Variants in FOXR1 observed in about 807,000 individuals in gnomAD.
FOXR1 encodes the protein forkhead box protein R1.
FOXR1 carries 25 observed loss-of-function variants against 34.5 expected under a neutral mutation model. The ratio of observed to expected loss-of-function variants is 0.72; its 90% CI spans 0.53 to 1.01. The LOEUF (loss-of-function observed/expected upper bound fraction) is 1.01, where lower values mean the gene tolerates loss of function less well. Among genes scored for constraint, FOXR1 ranks in the 50% least tolerant of loss-of-function variants. FOXR1 has a pLI of 0.00. For synonymous variants in FOXR1, 153 were observed against 141.6 expected (o/e 1.08, Z -0.57); for missense variants, 373 against 376.2 (o/e 0.99, Z 0.07).
Position 118,978,873 on chromosome 11 carries a change from C to G in FOXR1, c.136+17C>G. The G allele has an allele frequency of 6.2e-7, 1 of 1,614,238 alleles. No individual in the cohort carries two copies. The highest frequency in any genetic ancestry group is 8.5e-7 in the Non-Finnish European group (1 of 1,180,030). On this transcript the variant is annotated intron_variant, in intron 2 of 5. Transcript: ENST00000317011. ...ATAAGGATGGTACGTATTGAGTTCT[C>G]TGACCTGTTTCTGTGGCCTGGGCTG...
At position 118,980,426 on chromosome 11, in the gene FOXR1, G is replaced by A; in HGVS notation, c.612-64G>A. ...AGCCCCTGGCCCCTGGGTAGAACAT[G>A]CCCCAGAGAAGGGCATTCCCCAGAC... On this transcript the variant is annotated intron_variant, in intron 4 of 5. Coordinates refer to ENST00000317011, the MANE Select transcript of FOXR1 (RefSeq NM_181721.3). 3 of 1,564,362 alleles carry A rather than the reference G, an allele frequency of 1.9e-6. No individual in the cohort carries two copies. The Admixed American group carries it at 5.0e-5, about 26-fold the overall frequency.
chr11:118,980,727 A>T lies in FOXR1; in HGVS notation c.849A>T (p.Pro283=). The change falls in exon 5 of 6, where the codon CCA becomes CCT. Residue 283 remains proline, a splice_region_variant and synonymous_variant. Transcript: ENST00000317011. ...GTATCCAACAGTGCATGAGCCAGCC[A>T]GGTGTGAAGACTTGTTGTGCGTGGG... ...LESIQQCMSQ[P]DVMPFLFDL 6.2e-7 allele frequency: 1 copy of T among 1,610,568 alleles called. No homozygotes were observed. The highest frequency in any genetic ancestry group is 1.1e-5 in the South Asian group (1 of 91,006).
intron 1 of FOXR1, among the ~76,000 whole-genome samples, chr11:118,975,144 C>T (rs1186159353): frequency 2.6e-5 from 4 of 152,028 alleles, no homozygotes; most frequent in Non-Finnish European, 5.9e-5. Flanking sequence ...AGAGAGATAA[C>T]TAGCAAAAAA....
intron 1 of FOXR1, 145 bp downstream of exon 1, chr11:118,972,137 C>CG (rs1941715694): frequency 1.9e-5 from 10 of 533,222 alleles, no homozygotes; most frequent in South Asian, 1.4e-4. Context: ...GCGCCCCCCC[C>CG]CCCCGACGGC....
chr11:118,980,355 C>A, intron 4 of FOXR1, 135 bp from the exon 5 acceptor site: 1 of 1,006,398 alleles, frequency 9.9e-7, no homozygotes, highest in Non-Finnish European at 1.6e-6. Context: ...TAGCAAAGAG[C>A]AACTCCAGGC....
chr11:118,972,342 T>C (rs1458374915), intron 1 of FOXR1, among the ~76,000 whole-genome samples: 2 of 152,020 alleles, frequency 1.3e-5, no homozygotes, highest in Non-Finnish European at 2.9e-5. Flanking sequence ...GGTCTTCTCC[T>C]TGGCGCTGGT....
intron 4 of FOXR1, 130 bp from the exon 5 acceptor site, chr11:118,980,360 C>G (rs1269321784): frequency 1.9e-6 from 2 of 1,077,216 alleles, no homozygotes; most frequent in African/African-American, 3.1e-5. Context: ...AAGAGCAACT[C>G]CAGGCCAACT....
intron 1 of FOXR1, among the ~76,000 whole-genome samples, chr11:118,973,575 T>C (rs1239720267): frequency 6.6e-6 from 1 of 151,994 alleles, no homozygotes; most frequent in East Asian, 1.9e-4. Context: ...AATTTTTGTA[T>C]TTTTAGTAAA....
At position 118,979,642 on chromosome 11, in the gene FOXR1, C is replaced by T. The variant is rs572956755; in HGVS notation, c.585C>T (p.Asn195=). 6 of 1,608,292 alleles carry T rather than the reference C, an allele frequency of 3.7e-6. No homozygotes were observed. The highest frequency in any genetic ancestry group is 5.1e-6 in the Non-Finnish European group (6 of 1,177,214). The part of the protein sequence containing the change: ...ALRNSSPCGL[N]VQQIYSFTRK... Reference sequence around the variant, plus strand: ...GAAACAGTTCCCCCTGTGGCCTCAACGTGCAACAGATCTACAGTTTCACTC... The same window carrying T: ...GAAACAGTTCCCCCTGTGGCCTCAATGTGCAACAGATCTACAGTTTCACTC... Residue 195 remains asparagine (N), a synonymous_variant, in exon 4 of 6, where the codon AAC becomes AAT. Coordinates refer to ENST00000317011, the MANE Select transcript of FOXR1 (RefSeq NM_181721.3).
At position 118,980,595 on chromosome 11, in the gene FOXR1, G is replaced by A; in HGVS notation, c.717G>A (p.Gln239=). ...DSFEKVPVSM[Q]GGASTRPRSC... is the part of the protein sequence containing the mutation. ...TTGAGAAAGTGCCTGTCAGCATGCAGGGCGGGGCCAGCACACGGCCTCGAT... is the reference window on the plus strand; with the variant it reads ...TTGAGAAAGTGCCTGTCAGCATGCAAGGCGGGGCCAGCACACGGCCTCGAT... Residue 239 remains glutamine (Q), a synonymous_variant, in exon 5 of 6, where the codon CAG becomes CAA. Coordinates refer to ENST00000317011, the MANE Select transcript of FOXR1 (RefSeq NM_181721.3). The A allele has an allele frequency of 3.1e-6, 5 of 1,614,260 alleles. No individual in the cohort carries two copies. In the African/African-American group the frequency reaches 5.3e-5, roughly 17 times the overall value.
chr11:118,980,414 TG>T, intron 4 of FOXR1, 75 bp from the exon 5 acceptor site: 1 of 1,533,418 alleles, frequency 6.5e-7, no homozygotes, highest in South Asian at 1.1e-5. Flanking sequence ...CCCTGGCCCC[TG>T]GGTAGAACAT....
Position 118,980,660 on chromosome 11 carries a change from T to A in FOXR1, c.782T>A (p.Phe261Tyr). ...TTGACCGAGGAGGGACACCGCCGCT[T>A]TGCGGAGGAGGCCCGCGCCTTGGCT... ...WKLTEEGHRR[F>Y]AEEARALAST... Residue 261 changes from phenylalanine (F) to tyrosine (Y), a missense_variant, in exon 5 of 6, where the codon TTT becomes TAT. Physicochemically the swap from Phe to Tyr is conservative, Grantham distance 22. Transcript: ENST00000317011. 1.2e-6 allele frequency: 2 copies of A among 1,613,924 alleles called. No individual in the cohort carries two copies. Among genetic ancestry groups the A allele is most frequent in the Non-Finnish European group, 1.7e-6 (2 of 1,180,028 alleles).
chr11:118,978,601 A>G (rs1475005978), intron 1 of FOXR1, among the ~76,000 whole-genome samples, 181 bp from the exon 2 acceptor site: 2 of 152,184 alleles, frequency 1.3e-5, no homozygotes, highest in African/African-American at 2.4e-5. Flanking sequence ...GAAGAAAAGA[A>G]TGCAGAGGGG....
rs868783534 is a variant in FOXR1 at position 118,971,828 on chromosome 11, G to A, written c.-104G>A. ...CGCTCCCACTCCGCGTCCCCACTCC[G>A]CGCCGCCGCGCCTCTGCCAGCCCCG... is the stretch of plus-strand genomic sequence containing the variant. On this transcript the variant is annotated 5_prime_UTR_variant, in exon 1 of 6. Transcript: ENST00000317011. 3.8e-6 allele frequency: 5 copies of A among 1,303,918 alleles called. No individual in the cohort carries two copies. Among genetic ancestry groups the A allele is most frequent in the Middle Eastern group, 3.6e-4 (2 of 5,572 alleles). 80.8% of individuals were successfully genotyped at this position (1,303,918 alleles called of 1,614,324 possible). A position where few individuals can be genotyped will look rare whatever the true frequency, so the allele number is the denominator to read the frequency against.
At position 118,979,011 on chromosome 11, in the gene FOXR1, C is replaced by T. The variant is rs782103158; in HGVS notation, c.191C>T (p.Pro64Leu). 19 of 1,602,040 alleles carry T rather than the reference C, an allele frequency of 1.2e-5. No individual in the cohort carries two copies. Among genetic ancestry groups the T allele is most frequent in the Non-Finnish European group, 1.5e-5 (18 of 1,173,304 alleles). Reference protein sequence around the residue: ...WMWVNPNIVYPPGKLEVSGRR... With the variant: ...WMWVNPNIVYLPGKLEVSGRR... ...TGGGTAAATCCCAACATTGTGTATCCCCCTGGAAAGCTGGAGGTCTCAGGA... is the reference window on the plus strand; with the variant it reads ...TGGGTAAATCCCAACATTGTGTATCTCCCTGGAAAGCTGGAGGTCTCAGGA... The change falls in exon 3 of 6, where the codon CCC (proline) becomes CTC (leucine). Residue 64 changes from proline to leucine, a missense_variant. Pro to Leu is a moderately conservative substitution (Grantham distance 98). Transcript: ENST00000317011.
chr11:118,972,055 G>A (rs1941711503), intron 1 of FOXR1, 63 bp downstream of exon 1: 7 of 1,328,762 alleles, frequency 5.3e-6, no homozygotes, highest in Non-Finnish European at 3.9e-6. Flanking sequence ...AGGGGCTCGC[G>A]GGACCCCGGG....
At chr11:118,975,646 A>T (rs1179222045) in intron 1 of FOXR1, among the ~76,000 whole-genome samples, 1 of 152,178 alleles carries the variant, frequency 6.6e-6, no homozygotes, top group African/African-American at 2.4e-5. Flanking sequence ...GCATGTTTGC[A>T]TGCTGATGAG....
intron 1 of FOXR1, among the ~76,000 whole-genome samples, chr11:118,976,814 C>T (rs1301730005): frequency 6.6e-6 from 1 of 152,060 alleles, no homozygotes; most frequent in South Asian, 2.1e-4. Context: ...CAGTGTTTTT[C>T]GTATTATTAA....
In FOXR1 at chr11:118,980,690, C is replaced by G. The variant is rs1941849269; in HGVS notation, c.812C>G (p.Thr271Ser). ...GAGGAGGCCCGCGCCTTGGCTTCCA[C>G]TCGGCTAGAAAGTATCCAACAGTGC... is the stretch of plus-strand genomic sequence containing the variant. Reference protein sequence around the residue: ...FAEEARALASTRLESIQQCMS... With the variant: ...FAEEARALASSRLESIQQCMS... Residue 271 changes from threonine to serine, a missense_variant, in exon 5 of 6, where the codon ACT becomes AGT. Transcript: ENST00000317011. 1 of 1,613,900 alleles carries G rather than the reference C, an allele frequency of 6.2e-7. No individual in the cohort carries two copies. The highest frequency in any genetic ancestry group is 8.5e-7 in the Non-Finnish European group (1 of 1,180,038).
Sources: gnomAD v4.1 joint callset for allele counts (sites outside exome capture counted in the v4.1 genomes callset) on GRCh38, gnomAD v4.1.1 for gene constraint, MANE v1.5 for transcripts, NCBI Gene and HGNC (gene_info 2026-07-23, HGNC 2026-07-21) for gene names.